Variants in TENM2 observed in about 807,000 individuals in gnomAD.
TENM2 encodes the protein teneurin transmembrane protein 2, also known as teneurin-2.
Under a neutral mutation model 245.2 loss-of-function variants are expected in TENM2, and 52 were observed. The observed-to-expected ratio is 0.21, with a 90% CI of 0.17 to 0.27. TENM2 has a LOEUF of 0.27. Among genes scored for constraint, TENM2 ranks in the 10% least tolerant of loss-of-function variants. TENM2 has a pLI of 1.00. For synonymous variants in TENM2, 1,363 were observed against 1,438.9 expected, an observed-to-expected ratio of 0.95 and a Z score of 1.19; for missense variants, 3,046 against 3,666.8, an observed-to-expected ratio of 0.83 and a Z score of 4.37.
At chr5:167,352,224 G>A (rs1420379850) in intron 1 of TENM2, among the ~76,000 whole-genome samples, 11 of 151,970 alleles carry the variant, frequency 7.2e-5, no homozygotes, top group Admixed American at 3.9e-4. Context: ...TTTCCCAAAG[G>A]GACCTGCACT....
chr5:167,614,762 T>C (rs1777685057), intron 2 of TENM2, among the ~76,000 whole-genome samples: 1 of 152,048 alleles, frequency 6.6e-6, no homozygotes, highest in African/African-American at 2.4e-5. Flanking sequence ...GAAATGGGGA[T>C]TGCTGGGAGA....
At chr5:167,369,168 C>T (rs1760253060) in intron 1 of TENM2, among the ~76,000 whole-genome samples, 1 of 152,148 alleles carries the variant, frequency 6.6e-6, no homozygotes, top group Non-Finnish European at 1.5e-5. Flanking sequence ...GGGAACTCAC[C>T]ACCATGTAGT....
intron 3 of TENM2, among the ~76,000 whole-genome samples, chr5:167,938,836 G>A (rs1778941388): frequency 6.6e-6 from 1 of 151,992 alleles, no homozygotes; most frequent in Non-Finnish European, 1.5e-5. Flanking sequence ...CCAGCTACTT[G>A]GGAGGCTGAG....
chr5:167,771,587 G>C (rs544270560), intron 2 of TENM2, among the ~76,000 whole-genome samples: 5 of 152,130 alleles, frequency 3.3e-5, no homozygotes, highest in Non-Finnish European at 7.4e-5. Flanking sequence ...CTCATCCTAC[G>C]CTACTAAAAT....
the TENM2 span, chr5:167,164,786 C>T: frequency 6.6e-6 from 1 of 152,150 alleles, no homozygotes; most frequent in Admixed American, 6.5e-5. Flanking sequence ...TCGAATGACT[C>T]AGCAGGACCG....
rs182264433 is a variant in TENM2, at chr5:167,930,219, G to A, written c.713-22369G>A. Among the ~76,000 whole-genome samples, 445 of 152,234 alleles carry A rather than the reference G, an allele frequency of 2.9e-3. 3 individuals carry two copies. Among genetic ancestry groups the A allele is most frequent in the African/African-American group, 9.8e-3 (407 of 41,552 alleles). On this transcript the variant is annotated intron_variant, in intron 3 of 28. Transcript: ENST00000518659. ...CTTAGAGGTAATTTGAATGGTAGTC[G>A]TGACATGGCCTGAGACACATCCTCA... is the stretch of plus-strand genomic sequence containing the variant.
At chr5:168,163,892 G>C (rs1757973647) in intron 13 of TENM2, among the ~76,000 whole-genome samples, 2 of 152,182 alleles carry the variant, frequency 1.3e-5, no homozygotes, top group Admixed American at 1.3e-4. Context: ...GCTTAGCCTA[G>C]ATGGGTCCTG....
intron 1 of TENM2, among the ~76,000 whole-genome samples, chr5:167,344,839 A>C (rs1296306796): frequency 6.6e-6 from 1 of 152,080 alleles, no homozygotes; most frequent in African/African-American, 2.4e-5. Context: ...GTCCCCACAG[A>C]AAGCAGTGGG....
chr5:168,143,471 A>G (rs185768169), intron 12 of TENM2, among the ~76,000 whole-genome samples: 1 of 152,256 alleles, frequency 6.6e-6, no homozygotes, highest in African/African-American at 2.4e-5. Context: ...AAGTGGGGGG[A>G]AAAAACCCTG....
chr5:167,762,115 T>G (rs1387063784), intron 2 of TENM2, among the ~76,000 whole-genome samples: 1 of 152,132 alleles, frequency 6.6e-6, no homozygotes, highest in Non-Finnish European at 1.5e-5. Flanking sequence ...AAGTGACTAA[T>G]TTTTAGTCTC....
chr5:168,200,064 C>T (rs1761795745), exon 17 of TENM2: 5 of 1,613,922 alleles, frequency 3.1e-6, no homozygotes, highest in Non-Finnish European at 4.2e-6. Flanking sequence ...CCAACCTGGC[C>T]TACACCTTCA....
At chr5:167,682,124 C>CCCTCCCTG (rs1756766165) in intron 2 of TENM2, among the ~76,000 whole-genome samples, 11 of 119,986 alleles carry the variant, frequency 9.2e-5, no homozygotes, top group African/African-American at 3.8e-4. Context: ...CTCCCTCCCT[C>CCCTCCCTG]CCTGCCTGCC....
intron 1 of TENM2, among the ~76,000 whole-genome samples, chr5:167,325,956 G>T (rs573739256): frequency 7.2e-4 from 109 of 152,274 alleles, no homozygotes; most frequent in South Asian, 1.5e-3. Context: ...AGTAACTTTG[G>T]AGAGAGATAA....
At chr5:167,221,328 G>A in the TENM2 span, among the ~76,000 whole-genome samples, 4 of 152,182 alleles carry the variant, frequency 2.6e-5, no homozygotes, top group African/African-American at 4.8e-5. Context: ...GCAATGAAAT[G>A]AATGTTTTGG....
Position 167,355,335 on chromosome 5 carries a change from T to C in TENM2, c.227-19863T>C, listed in dbSNP as rs1759239423. Reference sequence around the variant, plus strand: ...GTGTGTTTCTGATAATGCTGATGGATAGACTTTCTGAAAGGACCATTCTGA... The same window carrying C: ...GTGTGTTTCTGATAATGCTGATGGACAGACTTTCTGAAAGGACCATTCTGA... On this transcript the variant is annotated intron_variant, in intron 1 of 28. Coordinates refer to ENST00000518659, the Ensembl canonical transcript of TENM2. Among the ~76,000 whole-genome samples the C allele has an allele frequency of 2.0e-5, 3 of 150,172 alleles. No homozygotes were observed. In the Admixed American group the frequency reaches 2.0e-4, roughly 10 times the overall value.
At chr5:167,271,821 C>T in the TENM2 span, among the ~76,000 whole-genome samples, 1 of 152,088 alleles carries the variant, frequency 6.6e-6, no homozygotes, top group East Asian at 1.9e-4. Flanking sequence ...TGGACATTAA[C>T]CAGAGTTGGC....
At chr5:167,425,365 C>T (rs1231623436) in intron 2 of TENM2, among the ~76,000 whole-genome samples, 6 of 152,098 alleles carry the variant, frequency 3.9e-5, no homozygotes, top group African/African-American at 7.2e-5. Context: ...CTGGCACCTT[C>T]GTTTGTAAGT....
intron 2 of TENM2, among the ~76,000 whole-genome samples, chr5:167,650,410 T>C (rs566759543): frequency 6.6e-6 from 1 of 152,284 alleles, no homozygotes; most frequent in African/African-American, 2.4e-5. Flanking sequence ...TCAGCTAAGG[T>C]TCTTAGGAAA....
chr5:167,467,173 G>C (rs1485320079), intron 2 of TENM2, among the ~76,000 whole-genome samples: 1 of 152,080 alleles, frequency 6.6e-6, no homozygotes, highest in Non-Finnish European at 1.5e-5. Flanking sequence ...ATTGGAACAT[G>C]GGGGTGGTTT....
Sources: allele counts gnomAD v4.1 joint callset (sites outside exome capture counted in the v4.1 genomes callset), GRCh38; gene constraint gnomAD v4.1.1; transcripts MANE v1.5; gene names NCBI Gene and HGNC (gene_info 2026-07-23, HGNC 2026-07-21).